GRHL2: variants seen among roughly 807,000 people sequenced by gnomAD.
GRHL2 encodes the protein grainyhead-like protein 2 homolog.
A neutral mutation model predicts 83.8 loss-of-function variants in GRHL2; 21 were observed. The ratio of observed to expected loss-of-function variants is 0.25; its 90% CI spans 0.18 to 0.36. The LOEUF is 0.36. GRHL2 is among the 10% of genes least tolerant of loss of function. GRHL2 has a pLI of 1.00. For synonymous variants in GRHL2, 280 were observed against 278.9 expected (o/e 1.00, Z -0.04); for missense variants, 623 against 781.8 (o/e 0.80, Z 2.42).
At chr8:101,610,578 C>T (rs958906311) in intron 8 of GRHL2, among the ~76,000 whole-genome samples, 2 of 150,682 alleles carry the variant, frequency 1.3e-5, no homozygotes, top group African/African-American at 2.5e-5. Context: ...AAAATTCTTT[C>T]GATTTTCATG....
chr8:101,510,677 C>T (rs192218199), intron 1 of GRHL2, among the ~76,000 whole-genome samples: 190 of 152,248 alleles, frequency 1.2e-3, no homozygotes, highest in African/African-American at 4.1e-3. Context: ...AGATAAACTT[C>T]CCTTTTATAT....
At chr8:101,582,178 C>T (rs558471346) in intron 7 of GRHL2, among the ~76,000 whole-genome samples, 10 of 146,024 alleles carry the variant, frequency 6.8e-5, no homozygotes, top group African/African-American at 2.3e-4. Context: ...GTGGAGGTTT[C>T]AGTGAGCCAA....
At position 101,617,483 on chromosome 8, in the gene GRHL2, T is replaced by C. The variant is rs72674256; in HGVS notation, c.1099-2056T>C. 1.8e-3 allele frequency among the ~76,000 whole-genome samples: 279 copies of C among 152,250 alleles called. 3 individuals are homozygous for C. Among genetic ancestry groups the C allele is most frequent in the South Asian group, 0.013 (62 of 4,824 alleles). ...AACTAGATCAGGTCTAGTAGTTAAA[T>C]CAAAAATTCAAAAGGCTTTTATTTT... is the stretch of plus-strand genomic sequence containing the variant. On this transcript the variant is annotated intron_variant, in intron 8 of 15. Transcript: ENST00000646743.
Position 101,492,675 on chromosome 8 carries a change from C to T in GRHL2, c.-95C>T. 1.0e-6 allele frequency: 1 copy of T among 984,410 alleles called. No homozygotes were observed. The highest frequency in any genetic ancestry group is 1.3e-5 in the South Asian group (1 of 78,684). The allele number at this position is 984,410 out of a possible 1,614,324, so 61.0% of individuals were successfully genotyped here. A position where few individuals can be genotyped will look rare whatever the true frequency, so the allele number is the denominator to read the frequency against. Reference sequence around the variant, plus strand: ...GTAGCTCTTGTTCTGCCATCTCGGGCGCTCTCACACACCTTCACCTGCACA... The same window carrying T: ...GTAGCTCTTGTTCTGCCATCTCGGGTGCTCTCACACACCTTCACCTGCACA... On this transcript the variant is annotated 5_prime_UTR_variant, in exon 1 of 16. Transcript: ENST00000646743.
At chr8:101,500,990 A>G (rs935830813) in intron 1 of GRHL2, among the ~76,000 whole-genome samples, 2 of 152,224 alleles carry the variant, frequency 1.3e-5, no homozygotes, top group East Asian at 3.8e-4. Context: ...TTTGGTGAGC[A>G]GTAGTAATAT....
intron 8 of GRHL2, among the ~76,000 whole-genome samples, chr8:101,599,553 C>T (rs572387722): frequency 6.6e-6 from 1 of 152,232 alleles, no homozygotes; most frequent in Admixed American, 6.5e-5. Context: ...ATAGCCCCTT[C>T]CAGGCTTAAG....
intron 1 of GRHL2, among the ~76,000 whole-genome samples, chr8:101,494,744 A>G (rs976187815): frequency 3.3e-5 from 5 of 152,238 alleles, no homozygotes; most frequent in African/African-American, 7.2e-5. Flanking sequence ...TATACTTAGC[A>G]GCAATAAGAA....
intron 7 of GRHL2, among the ~76,000 whole-genome samples, chr8:101,582,237 C>CAAA (rs4002335): frequency 0.49 from 65,491 of 134,448 alleles, 18,763 homozygotes; most frequent in Non-Finnish European, 0.65. Flanking sequence ...GACTCCGTCT[C>CAAA]AAAAAAAAAA....
chr8:101,563,381 G>A (rs1327878290), intron 4 of GRHL2, among the ~76,000 whole-genome samples: 2 of 151,766 alleles, frequency 1.3e-5, no homozygotes, highest in Non-Finnish European at 2.9e-5. Context: ...TCTTTCAGGT[G>A]AGCAAAGAGT....
chr8:101,596,942 A>G (rs1812403434), intron 7 of GRHL2, among the ~76,000 whole-genome samples: 2 of 152,238 alleles, frequency 1.3e-5, no homozygotes, highest in African/African-American at 2.4e-5. Context: ...AACACAGCAA[A>G]GGACATTAGT....
chr8:101,638,369 G>A (rs770452889), intron 12 of GRHL2, among the ~76,000 whole-genome samples: 2 of 152,144 alleles, frequency 1.3e-5, no homozygotes, highest in Admixed American at 1.3e-4. Context: ...TTTTTCAATG[G>A]TTGAAAAGAA....
intron 8 of GRHL2, among the ~76,000 whole-genome samples, chr8:101,614,545 C>T (rs1812816784): frequency 1.4e-5 from 2 of 143,032 alleles, no homozygotes; most frequent in Middle Eastern, 7.7e-3. Context: ...TCAAGGCTTC[C>T]ACCGAAGTGA....
intron 7 of GRHL2, among the ~76,000 whole-genome samples, chr8:101,590,426 G>A (rs531545480): frequency 1.3e-5 from 2 of 152,252 alleles, no homozygotes; most frequent in East Asian, 1.9e-4. Flanking sequence ...AGTTTGAGCC[G>A]ATCCTATTTG....
At chr8:101,659,001 GAAT>G (rs1277564722) in intron 14 of GRHL2, among the ~76,000 whole-genome samples, 1 of 152,100 alleles carries the variant, frequency 6.6e-6, no homozygotes, top group Non-Finnish European at 1.5e-5. Flanking sequence ...ACCCTTTACA[GAAT>G]AATGTTTTTA....
intron 12 of GRHL2, among the ~76,000 whole-genome samples, chr8:101,639,598 C>A (rs772313700): frequency 2.6e-5 from 4 of 152,248 alleles, no homozygotes; most frequent in Non-Finnish European, 4.4e-5. Context: ...CCTCTTAATT[C>A]TTGACCTGTG....
chr8:101,521,530 A>T (rs1055452322), intron 1 of GRHL2, among the ~76,000 whole-genome samples: 1 of 152,126 alleles, frequency 6.6e-6, no homozygotes, highest in African/African-American at 2.4e-5. Context: ...GCAGTTGTAT[A>T]TTCTTCTGTC....
At chr8:101,570,125 C>A (rs1241588144) in intron 4 of GRHL2, among the ~76,000 whole-genome samples, 1 of 152,188 alleles carries the variant, frequency 6.6e-6, no homozygotes, top group Non-Finnish European at 1.5e-5. Flanking sequence ...GAATAACATA[C>A]AAAGCACAAA....
chr8:101,506,097 G>A (rs746887931), intron 1 of GRHL2, among the ~76,000 whole-genome samples: 14 of 152,304 alleles, frequency 9.2e-5, no homozygotes, highest in Non-Finnish European at 1.8e-4. Flanking sequence ...TTATTGTACT[G>A]CATATTTAAT....
At chr8:101,597,390 T>C (rs539423315) in intron 7 of GRHL2, among the ~76,000 whole-genome samples, 1 of 152,240 alleles carries the variant, frequency 6.6e-6, no homozygotes, top group Non-Finnish European at 1.5e-5. Flanking sequence ...CGTATGTTTA[T>C]TGCGGCACTA....
Sources: gnomAD v4.1 joint callset for allele counts (sites outside exome capture counted in the v4.1 genomes callset) on GRCh38, gnomAD v4.1.1 for gene constraint, MANE v1.5 for transcripts, NCBI Gene and HGNC (gene_info 2026-07-23, HGNC 2026-07-21) for gene names.